SLC9A9: variants seen among roughly 807,000 people sequenced by gnomAD.
SLC9A9 encodes solute carrier family 9 member A9.
A neutral mutation model predicts 77.8 loss-of-function variants in SLC9A9; 62 were observed. The ratio of observed to expected loss-of-function variants is 0.80; its 90% CI spans 0.65 to 0.98. SLC9A9 has a LOEUF of 0.98. Ranked by LOEUF, SLC9A9 falls within the 50% of genes least tolerant of loss-of-function variation. The pLI is 0.00. For synonymous variants in SLC9A9, 320 were observed against 283.5 expected (o/e 1.13, Z -1.29); for missense variants, 775 against 774.9 (o/e 1.00, Z 0.00).
chr3:143,811,172 T>C (rs1267629301), intron 2 of SLC9A9, among the ~76,000 whole-genome samples: 6 of 152,066 alleles, frequency 3.9e-5, no homozygotes, highest in African/African-American at 1.5e-4. Context: ...TAAATGCAGA[T>C]ATATGAAAAA....
At chr3:143,311,661 A>T (rs140807718) in intron 14 of SLC9A9, among the ~76,000 whole-genome samples, 1 of 152,364 alleles carries the variant, frequency 6.6e-6, no homozygotes, top group African/African-American at 2.4e-5. Flanking sequence ...TACATAAAAT[A>T]ACAATATTGT....
In SLC9A9 at chr3:143,560,693, C is replaced by T. The variant is rs114876149; in HGVS notation, c.1001-8243G>A. ...TACATAAAATAAAATTGATGATATA[C>T]TTTACCACCAAAAAGTTGAATAAAA... On this transcript the variant is annotated intron_variant, in intron 8 of 15. Coordinates refer to ENST00000316549, the MANE Select transcript of SLC9A9 (RefSeq NM_173653.4). Among the ~76,000 whole-genome samples, 909 of 149,502 alleles carry T rather than the reference C, an allele frequency of 6.1e-3. 12 individuals carry two copies. The highest frequency in any genetic ancestry group is 0.022 in the African/African-American group (868 of 40,310).
chr3:143,417,564 T>G, intron 12 of SLC9A9, among the ~76,000 whole-genome samples: 1 of 149,218 alleles, frequency 6.7e-6, no homozygotes, highest in Non-Finnish European at 1.5e-5. Context: ...GAAAAAGGGA[T>G]GGATGGAGAG....
intron 14 of SLC9A9, among the ~76,000 whole-genome samples, chr3:143,289,084 A>G (rs1938460586): frequency 6.6e-6 from 1 of 152,190 alleles, no homozygotes; most frequent in Admixed American, 6.5e-5. Flanking sequence ...CTGAGGCAGG[A>G]CTGAGACCAC....
intron 4 of SLC9A9, among the ~76,000 whole-genome samples, chr3:143,734,233 C>T (rs1416304779): frequency 6.6e-6 from 1 of 151,590 alleles, no homozygotes; most frequent in Non-Finnish European, 1.5e-5. Flanking sequence ...AAAAAGAAAA[C>T]CTTGAATTGA....
intron 4 of SLC9A9, among the ~76,000 whole-genome samples, chr3:143,777,716 CTTTT>C (rs34103558): frequency 7.4e-6 from 1 of 135,952 alleles, no homozygotes. Context: ...GTCACTGATA[CTTTT>C]TTTTTTTTTT....
intron 12 of SLC9A9, among the ~76,000 whole-genome samples, chr3:143,433,698 T>G (rs2034570417): frequency 6.6e-6 from 1 of 152,196 alleles, no homozygotes; most frequent in African/African-American, 2.4e-5. Flanking sequence ...AGCAATTAAC[T>G]TATGTTCTAT....
chr3:143,686,383 T>G (rs1439264008), intron 5 of SLC9A9, among the ~76,000 whole-genome samples: 1 of 151,982 alleles, frequency 6.6e-6, no homozygotes, highest in Non-Finnish European at 1.5e-5. Flanking sequence ...GATTAGTAAT[T>G]AGTGATGTGG....
At chr3:143,293,421 C>A (rs1206491513) in intron 14 of SLC9A9, among the ~76,000 whole-genome samples, 20 of 152,124 alleles carry the variant, frequency 1.3e-4, no homozygotes, top group Non-Finnish European at 1.5e-4. Flanking sequence ...TCCTATGAAA[C>A]CTGATATGAA....
intron 4 of SLC9A9, among the ~76,000 whole-genome samples, chr3:143,728,263 G>A (rs1038312752): frequency 6.6e-6 from 1 of 152,174 alleles, no homozygotes. Flanking sequence ...CCTGTCAGTG[G>A]TGGAGAAAAA....
intron 14 of SLC9A9, among the ~76,000 whole-genome samples, chr3:143,278,901 A>G (rs983457966): frequency 2.0e-5 from 3 of 152,154 alleles, no homozygotes; most frequent in Non-Finnish European, 4.4e-5. Flanking sequence ...ATAGCTCTGT[A>G]CTTATTATCT....
In SLC9A9 at chr3:143,606,595, T is replaced by C. The variant is rs908770985; in HGVS notation, c.756-27872A>G. On this transcript the variant is annotated intron_variant, in intron 6 of 15. Coordinates refer to ENST00000316549, the MANE Select transcript of SLC9A9 (RefSeq NM_173653.4). Reference sequence around the variant, plus strand: ...AACTGCATTTAAATAATTAAAAATATCATTAAATTAAATATAAAATACAAT... The same window carrying C: ...AACTGCATTTAAATAATTAAAAATACCATTAAATTAAATATAAAATACAAT... 3.3e-5 allele frequency among the ~76,000 whole-genome samples: 5 copies of C among 150,744 alleles called. No homozygotes were observed. In the South Asian group the frequency reaches 1.0e-3, roughly 31 times the overall value.
At chr3:143,284,332 T>C (rs1349217691) in intron 14 of SLC9A9, among the ~76,000 whole-genome samples, 1 of 152,084 alleles carries the variant, frequency 6.6e-6, no homozygotes, top group African/African-American at 2.4e-5. Context: ...ATCCAACTGC[T>C]GTTAGGAGTT....
intron 4 of SLC9A9, among the ~76,000 whole-genome samples, chr3:143,728,354 A>C (rs182241342): frequency 6.6e-6 from 1 of 152,090 alleles, no homozygotes; most frequent in African/African-American, 2.4e-5. Flanking sequence ...AAGAAGGAGA[A>C]AGTAATGTGA....
intron 5 of SLC9A9, among the ~76,000 whole-genome samples, chr3:143,656,998 A>G (rs1201963269): frequency 1.3e-5 from 2 of 152,212 alleles, no homozygotes; most frequent in African/African-American, 4.8e-5. Flanking sequence ...GAAAAATTGT[A>G]TACGGTGAGA....
chr3:143,495,247 T>G, intron 10 of SLC9A9, 88 bp downstream of exon 10: 1 of 1,145,230 alleles, frequency 8.7e-7, no homozygotes, highest in Non-Finnish European at 1.3e-6. Flanking sequence ...TTTAGGAAAG[T>G]GCTTTAATGA....
rs116594163 is a variant in SLC9A9, at chr3:143,733,126, C to A, written c.534-39819G>T. Among the ~76,000 whole-genome samples the A allele has an allele frequency of 6.9e-3, 1,044 of 152,056 alleles. 14 individuals are homozygous for A. The highest frequency in any genetic ancestry group is 0.023 in the African/African-American group (971 of 41,466). On this transcript the variant is annotated intron_variant, in intron 4 of 15. Coordinates refer to ENST00000316549, the MANE Select transcript of SLC9A9 (RefSeq NM_173653.4). Reference sequence around the variant, plus strand: ...TCAGGTCAGTTTGGGCTTCAAAATTCTCAGATTTTGAACTTTATAATGGAC... The same window carrying A: ...TCAGGTCAGTTTGGGCTTCAAAATTATCAGATTTTGAACTTTATAATGGAC...
chr3:143,536,987 C>A (rs948554512), intron 9 of SLC9A9, among the ~76,000 whole-genome samples: 1 of 152,164 alleles, frequency 6.6e-6, no homozygotes, highest in African/African-American at 2.4e-5. Context: ...GGGGGAGCCA[C>A]TGGCCAGCAA....
At chr3:143,533,605 T>C (rs1020880537) in intron 9 of SLC9A9, among the ~76,000 whole-genome samples, 2 of 152,144 alleles carry the variant, frequency 1.3e-5, no homozygotes, top group Non-Finnish European at 2.9e-5. Flanking sequence ...GTGTTACTGA[T>C]GCATAACCAT....
Sources: gnomAD v4.1 joint callset for allele counts (sites outside exome capture counted in the v4.1 genomes callset) on GRCh38, gnomAD v4.1.1 for gene constraint, MANE v1.5 for transcripts, NCBI Gene and HGNC (gene_info 2026-07-23, HGNC 2026-07-21) for gene names.